EXOC6: variants seen among roughly 807,000 people sequenced by gnomAD.
EXOC6 encodes SEC15-like 1.
Under a neutral mutation model 112.5 loss-of-function variants are expected in EXOC6, and 60 were observed. That is an observed-to-expected ratio of 0.53 (90% CI 0.43 to 0.66). The LOEUF is 0.66. Ranked by LOEUF, EXOC6 falls within the 30% of genes least tolerant of loss-of-function variation. The pLI is 0.00. For missense variants in EXOC6, 855 were observed against 957.1 expected, an observed-to-expected ratio of 0.89 and a Z score of 1.41; for synonymous variants, 295 against 308.0, an observed-to-expected ratio of 0.96 and a Z score of 0.44.
intron 18 of EXOC6, among the ~76,000 whole-genome samples, chr10:92,993,517 C>G (rs1166689083): frequency 2.6e-5 from 4 of 151,920 alleles, no homozygotes; most frequent in Non-Finnish European, 5.9e-5. Flanking sequence ...CAAATGAAAA[C>G]TTCAAATGAA....
intron 7 of EXOC6, among the ~76,000 whole-genome samples, chr10:92,917,277 A>G (rs1851142760): frequency 6.6e-6 from 1 of 151,870 alleles, no homozygotes; most frequent in African/African-American, 2.4e-5. Context: ...AATTATTTTT[A>G]TAGTGATTAC....
intron 17 of EXOC6, among the ~76,000 whole-genome samples, chr10:92,964,428 G>C (rs1433303908): frequency 1.3e-5 from 2 of 152,022 alleles, no homozygotes; most frequent in Non-Finnish European, 2.9e-5. Flanking sequence ...GAAATGTTTA[G>C]GTCAAGATAA....
At chr10:92,933,607 T>G (rs1168619091) in intron 9 of EXOC6, among the ~76,000 whole-genome samples, 3 of 152,206 alleles carry the variant, frequency 2.0e-5, no homozygotes, top group East Asian at 3.8e-4. Context: ...AATTGAAATA[T>G]GAAATATTTC....
At chr10:92,879,591 G>T (rs779550423) in intron 1 of EXOC6, among the ~76,000 whole-genome samples, 1 of 152,082 alleles carries the variant, frequency 6.6e-6, no homozygotes, top group Non-Finnish European at 1.5e-5. Flanking sequence ...ATCCTTTGTA[G>T]ATTTTCAAAT....
intron 18 of EXOC6, chr10:92,987,541 A>T (rs1843058329): frequency 1.4e-6 from 1 of 726,796 alleles, no homozygotes; most frequent in Non-Finnish European, 1.7e-6. Context: ...TTGCTACTTT[A>T]AACACTGATT....
chr10:93,038,749 A>G (rs1039276642), intron 20 of EXOC6, among the ~76,000 whole-genome samples: 2 of 152,220 alleles, frequency 1.3e-5, no homozygotes, highest in Non-Finnish European at 2.9e-5. Flanking sequence ...ATGAAATATA[A>G]TTTAGCTCAG....
chr10:92,978,653 G>C (rs548013608), intron 18 of EXOC6, among the ~76,000 whole-genome samples: 1 of 152,218 alleles, frequency 6.6e-6, no homozygotes, highest in Non-Finnish European at 1.5e-5. Context: ...TATTTTTCTA[G>C]ATGAAGTATG....
chr10:92,896,035 G>GTA (rs1331176949), intron 4 of EXOC6, among the ~76,000 whole-genome samples: 2 of 107,696 alleles, frequency 1.9e-5, no homozygotes, highest in South Asian at 3.7e-4. Context: ...ATATATGTGT[G>GTA]TATATATATG....
chr10:92,863,329 A>G (rs2133689633), intron 1 of EXOC6, among the ~76,000 whole-genome samples: 1 of 152,316 alleles, frequency 6.6e-6, no homozygotes, highest in East Asian at 1.9e-4. Flanking sequence ...CATCTCTTTT[A>G]ATTTGATAAC....
At chr10:92,917,510 A>G (rs1851162913) in intron 7 of EXOC6, among the ~76,000 whole-genome samples, 1 of 147,796 alleles carries the variant, frequency 6.8e-6, no homozygotes, top group African/African-American at 2.5e-5. Flanking sequence ...ATCCAAATTC[A>G]TTCTCTCGTT....
chr10:92,957,074 A>G (rs533418276), intron 17 of EXOC6, among the ~76,000 whole-genome samples: 1 of 152,254 alleles, frequency 6.6e-6, no homozygotes, highest in African/African-American at 2.4e-5. Context: ...AAGTATGATA[A>G]TATAGGAGGA....
chr10:93,036,520 T>C (rs1430324234), intron 20 of EXOC6, among the ~76,000 whole-genome samples: 1 of 152,192 alleles, frequency 6.6e-6, no homozygotes, highest in Non-Finnish European at 1.5e-5. Context: ...TTGGACATTA[T>C]GGATTCTTTA....
chr10:92,895,392 C>G (rs1849693796), intron 4 of EXOC6, among the ~76,000 whole-genome samples: 1 of 152,052 alleles, frequency 6.6e-6, no homozygotes, highest in South Asian at 2.1e-4. Context: ...TTTTTTACCT[C>G]TAGTTTTCCA....
chr10:92,903,509 C>G lies in EXOC6; in HGVS notation c.458+3865C>G, dbSNP rs1235162649. Among the ~76,000 whole-genome samples, 3 of 151,682 alleles carry G rather than the reference C, an allele frequency of 2.0e-5. No homozygotes were observed. In the South Asian group the frequency reaches 6.2e-4, roughly 32 times the overall value. Reference sequence around the variant, plus strand: ...GTTTGGGAATGTTGAATTTCAGTGGCAAGAAAACCTTTGGAATTGGCTTAT... The same window carrying G: ...GTTTGGGAATGTTGAATTTCAGTGGGAAGAAAACCTTTGGAATTGGCTTAT... On this transcript the variant is annotated intron_variant, in intron 5 of 21. Transcript: ENST00000260762.
intron 1 of EXOC6, among the ~76,000 whole-genome samples, chr10:92,865,028 A>G (rs1187183395): frequency 2.0e-5 from 3 of 152,194 alleles, no homozygotes; most frequent in African/African-American, 7.2e-5. Flanking sequence ...CTGTTTTCAC[A>G]TGAATCAATC....
intron 1 of EXOC6, among the ~76,000 whole-genome samples, chr10:92,879,105 A>G (rs1369076504): frequency 4.6e-5 from 7 of 152,224 alleles, no homozygotes; most frequent in Non-Finnish European, 1.0e-4. Flanking sequence ...ACTGCCAAAA[A>G]TTATCTTTTT....
chr10:92,880,371 C>T (rs1848897416), intron 1 of EXOC6, among the ~76,000 whole-genome samples: 1 of 151,908 alleles, frequency 6.6e-6, no homozygotes, highest in Non-Finnish European at 1.5e-5. Context: ...TGAATATTTT[C>T]CATCTGTGGC....
At chr10:92,934,113 G>T in intron 9 of EXOC6, 31 bp from the exon 10 acceptor site, 1 of 1,340,350 alleles carries the variant, frequency 7.5e-7, no homozygotes, top group Non-Finnish European at 1.0e-6. Context: ...GTATTTATTG[G>T]TTTAAATTGA....
At chr10:92,831,163 A>T (rs1358148078), upstream of EXOC6, among the ~76,000 whole-genome samples, 1 of 152,124 alleles carries the variant, frequency 6.6e-6, no homozygotes, top group Non-Finnish European at 1.5e-5. Flanking sequence ...TAAGAGGCAG[A>T]CAGAAACTGC....
Sources: allele counts gnomAD v4.1 joint callset (sites outside exome capture counted in the v4.1 genomes callset), GRCh38; gene constraint gnomAD v4.1.1; transcripts MANE v1.5; gene names NCBI Gene and HGNC (gene_info 2026-07-23, HGNC 2026-07-21).